ST18: variants seen among roughly 807,000 people sequenced by gnomAD.
ST18 encodes the protein ST18 C2H2C-type zinc finger transcription factor, also known as suppression of tumorigenicity 18 protein.
A neutral mutation model predicts 110.0 loss-of-function variants in ST18; 50 were observed. The ratio of observed to expected loss-of-function variants is 0.45; its 90% CI spans 0.36 to 0.58. The LOEUF (loss-of-function observed/expected upper bound fraction) is 0.58. ST18 is among the 20% of genes least tolerant of loss of function. ST18 has a pLI of 0.00. For missense variants in ST18, 1,306 were observed against 1,280.1 expected (o/e 1.02, Z -0.31); for synonymous variants, 461 against 452.4 (o/e 1.02, Z -0.24).
chr8:52,395,353 C>A (rs927570029), intron 2 of ST18, among the ~76,000 whole-genome samples: 1 of 152,212 alleles, frequency 6.6e-6, no homozygotes, highest in African/African-American at 2.4e-5. Context: ...AGAAACAAAA[C>A]TGCAAGTAGG....
intron 22 of ST18, among the ~76,000 whole-genome samples, chr8:52,126,581 T>C (rs7010320): frequency 0.29 from 44,350 of 152,146 alleles, 9,181 homozygotes; most frequent in African/African-American, 0.59. Flanking sequence ...TATAAAGTGT[T>C]CCTTGACCTT....
At chr8:52,253,919 T>C (rs1197829236) in intron 2 of ST18, among the ~76,000 whole-genome samples, 1 of 152,112 alleles carries the variant, frequency 6.6e-6, no homozygotes, top group African/African-American at 2.4e-5. Flanking sequence ...GAAATTCTTC[T>C]CAAAACAGAT....
chr8:52,129,799 C>G (rs751201617), intron 22 of ST18, among the ~76,000 whole-genome samples: 1 of 152,112 alleles, frequency 6.6e-6, no homozygotes, highest in Non-Finnish European at 1.5e-5. Context: ...AATTCCAGCA[C>G]TTTGGGAGGC....
Position 52,149,996 on chromosome 8 carries a change from C to A in ST18, c.1807-19G>T. On this transcript the variant is annotated intron_variant, in intron 15 of 25. Transcript: ENST00000689386. Reference sequence around the variant, plus strand: ...CGGCTCCCTGGTATACAATAGGAAACAGAAAAACATTTAAGCAGTTTGCAG... The same window carrying A: ...CGGCTCCCTGGTATACAATAGGAAAAAGAAAAACATTTAAGCAGTTTGCAG... 1 of 1,603,714 alleles carries A rather than the reference C, an allele frequency of 6.2e-7. No homozygotes were observed. Among genetic ancestry groups the A allele is most frequent in the Non-Finnish European group, 8.5e-7 (1 of 1,174,812 alleles).
chr8:52,234,905 G>C (rs921776784), intron 2 of ST18, among the ~76,000 whole-genome samples: 6 of 152,094 alleles, frequency 3.9e-5, no homozygotes, highest in African/African-American at 1.4e-4. Flanking sequence ...GTAAGTGGGA[G>C]CTAAGGTACA....
chr8:52,364,196 A>T (rs1826903058), intron 2 of ST18, among the ~76,000 whole-genome samples: 1 of 152,208 alleles, frequency 6.6e-6, no homozygotes, highest in Non-Finnish European at 1.5e-5. Flanking sequence ...TCATCATTGC[A>T]TGGGTTTCCT....
chr8:52,156,440 G>A (rs16917329), intron 15 of ST18, among the ~76,000 whole-genome samples: 8,999 of 152,250 alleles, frequency 0.059, 434 homozygotes, highest in African/African-American at 0.13. Context: ...CTGCCATGGT[G>A]GAAGAATCAA....
At chr8:52,228,009 A>G in intron 3 of ST18, among the ~76,000 whole-genome samples, 1 of 152,214 alleles carries the variant, frequency 6.6e-6, no homozygotes, top group East Asian at 1.9e-4. Context: ...GCTTGAGATA[A>G]TTGTTAATTG....
At chr8:52,352,911 A>ATT (rs1180585683) in intron 2 of ST18, among the ~76,000 whole-genome samples, 1 of 152,178 alleles carries the variant, frequency 6.6e-6, no homozygotes, top group East Asian at 1.9e-4. Flanking sequence ...ACCAATATTC[A>ATT]TTTTATGGAA....
At chr8:52,379,835 AACT>A (rs1833874267) in intron 2 of ST18, among the ~76,000 whole-genome samples, 1 of 152,232 alleles carries the variant, frequency 6.6e-6, no homozygotes, top group Admixed American at 6.5e-5. Context: ...GCCTAAGATT[AACT>A]TTAGAACATA....
intron 8 of ST18, among the ~76,000 whole-genome samples, chr8:52,186,328 T>C (rs770743697): frequency 3.3e-5 from 5 of 152,226 alleles, no homozygotes; most frequent in Non-Finnish European, 4.4e-5. Context: ...CGTGCTCAGA[T>C]TCTTTCGTCT....
chr8:52,195,675 A>G (rs530653880), intron 8 of ST18, among the ~76,000 whole-genome samples: 2 of 152,338 alleles, frequency 1.3e-5, no homozygotes, highest in African/African-American at 4.8e-5. Context: ...CTGCTAAAAA[A>G]TATTAAATGT....
chr8:52,239,810 T>C (rs902068536), intron 2 of ST18, among the ~76,000 whole-genome samples: 2 of 152,050 alleles, frequency 1.3e-5, no homozygotes, highest in African/African-American at 4.8e-5. Context: ...AAACCCCTTT[T>C]TTGAGACAGG....
At chr8:52,196,483 TC>T (rs1442574110) in intron 8 of ST18, among the ~76,000 whole-genome samples, 8 of 152,192 alleles carry the variant, frequency 5.3e-5, no homozygotes, top group Admixed American at 4.6e-4. Flanking sequence ...CTCCCTGATT[TC>T]ATACTGTAGT....
intron 2 of ST18, chr8:52,294,627 T>G (rs1329739852): frequency 6.6e-6 from 1 of 152,254 alleles, no homozygotes; most frequent in Non-Finnish European, 1.5e-5. Context: ...ATTTTAGCCT[T>G]GGCAGGCTTA....
intron 4 of ST18, among the ~76,000 whole-genome samples, chr8:52,221,083 ATCTCTATC>A (rs1378120311): frequency 2.6e-5 from 3 of 114,554 alleles, no homozygotes; most frequent in Non-Finnish European, 3.6e-5. Flanking sequence ...CAAACTACCT[ATCTCTATC>A]TATCTATCTA....
intron 2 of ST18, among the ~76,000 whole-genome samples, chr8:52,374,511 TA>T (rs1831444972): frequency 6.6e-6 from 1 of 152,134 alleles, no homozygotes; most frequent in Admixed American, 6.5e-5. Flanking sequence ...TATTTTATTT[TA>T]TTTCATTTCA....
At chr8:52,186,106 A>G (rs2072073646) in intron 8 of ST18, among the ~76,000 whole-genome samples, 1 of 152,192 alleles carries the variant, frequency 6.6e-6, no homozygotes, top group Admixed American at 6.5e-5. Flanking sequence ...GTCATGCTGT[A>G]TGGTTTTCCA....
At chr8:52,141,593 T>A (rs2055076414) in intron 17 of ST18, among the ~76,000 whole-genome samples, 1 of 152,014 alleles carries the variant, frequency 6.6e-6, no homozygotes, top group East Asian at 1.9e-4. Context: ...AATGGGAGCA[T>A]CAGGGCTGAG....
Sources: gnomAD v4.1 joint callset for allele counts (sites outside exome capture counted in the v4.1 genomes callset) on GRCh38, gnomAD v4.1.1 for gene constraint, MANE v1.5 for transcripts, NCBI Gene and HGNC (gene_info 2026-07-23, HGNC 2026-07-21) for gene names.